The following TENT5D variants were observed in gnomAD, a reference collection of about 807,000 sequenced individuals.
The protein encoded by TENT5D is terminal nucleotidyltransferase 5D.
For missense variants in TENT5D, 191 were observed against 287.0 expected (o/e 0.67, Z 2.42); for synonymous variants, 103 against 100.6 (o/e 1.02, Z -0.15).
At chrX:80,394,038 A>G (rs1015694719) in intron 3 of TENT5D, among the ~76,000 whole-genome samples, 1 of 112,078 alleles carries the variant, frequency 8.9e-6, no homozygotes, top group African/African-American at 3.2e-5. Context: ...ACATCTCTAC[A>G]ACATATTGAT....
intron 3 of TENT5D, among the ~76,000 whole-genome samples, chrX:80,367,853 G>A (rs1019623021): frequency 1.7e-4 from 19 of 111,682 alleles, no homozygotes; most frequent in Non-Finnish European, 2.6e-4. Flanking sequence ...GAAGGGTAGT[G>A]GGAGTTGGAG....
At chrX:80,423,824 A>G (rs1196075941) in intron 1 of TENT5D, among the ~76,000 whole-genome samples, 1 of 111,555 alleles carries the variant, frequency 9.0e-6, no homozygotes, top group African/African-American at 3.3e-5. Context: ...AGACATTTCT[A>G]TGCAGAGTCT....
intron 1 of TENT5D, among the ~76,000 whole-genome samples, chrX:80,432,260 A>C (rs1420411255): frequency 8.9e-6 from 1 of 111,868 alleles, no homozygotes; most frequent in Non-Finnish European, 1.9e-5. Context: ...AGTTAGTCCA[A>C]GGGCCCCCAG....
chrX:80,363,219 A>G (rs1930444441), intron 3 of TENT5D, among the ~76,000 whole-genome samples: 2 of 111,993 alleles, frequency 1.8e-5, no homozygotes. Context: ...ATTTTAAAAT[A>G]CCATGACATT....
Position 80,399,738 on chromosome X carries a change from C to A in TENT5D, c.-141-38872C>A, listed in dbSNP as rs191676616. Among the ~76,000 whole-genome samples, 218 of 112,601 alleles carry A rather than the reference C, an allele frequency of 1.9e-3. 1 individual carries two copies. Among genetic ancestry groups the A allele is most frequent in the East Asian group, 1.1e-3 (4 of 3,577 alleles). Reference sequence around the variant, plus strand: ...CACAATAAATTGTAAGTAAGTGATTCTCTGCTTTCAGAGCACCAATAATGA... The same window carrying A: ...CACAATAAATTGTAAGTAAGTGATTATCTGCTTTCAGAGCACCAATAATGA... On this transcript the variant is annotated intron_variant, in intron 3 of 4. Transcript: ENST00000538312.
At chrX:80,442,843 G>A in exon 3 of TENT5D, 1 of 1,211,095 alleles carries the variant, frequency 8.3e-7, no homozygotes, top group African/African-American at 1.7e-5. Flanking sequence ...GGTTGTTAAA[G>A]ATGCAGTTCT....
chrX:80,358,293 A>G (rs1930330632), intron 3 of TENT5D, among the ~76,000 whole-genome samples: 1 of 111,874 alleles, frequency 8.9e-6, no homozygotes, highest in South Asian at 3.7e-4. Flanking sequence ...AGCAATGGCA[A>G]CAAAAGCCAA....
intron 3 of TENT5D, among the ~76,000 whole-genome samples, chrX:80,382,584 A>C (rs759163812): frequency 9.1e-4 from 82 of 90,268 alleles, no homozygotes; most frequent in African/African-American, 3.1e-3. Flanking sequence ...TGTCCTGAGG[A>C]GGGGTCTGCA....
At chrX:80,431,309 T>C (rs930243817) in intron 1 of TENT5D, among the ~76,000 whole-genome samples, 2 of 110,430 alleles carry the variant, frequency 1.8e-5, no homozygotes, top group Non-Finnish European at 3.8e-5. Flanking sequence ...AGAGAAAAAA[T>C]TGGGGGAACT....
chrX:80,411,986 G>A (rs1931677918), intron 3 of TENT5D, among the ~76,000 whole-genome samples: 1 of 112,189 alleles, frequency 8.9e-6, no homozygotes, highest in African/African-American at 3.2e-5. Context: ...CTTCCACACT[G>A]CCCTAACAGA....
At chrX:80,368,028 T>C (rs1930544151) in intron 3 of TENT5D, among the ~76,000 whole-genome samples, 1 of 111,869 alleles carries the variant, frequency 8.9e-6, no homozygotes, top group Admixed American at 9.5e-5. Context: ...GATAAATGTT[T>C]AAGAAGATAG....
intron 2 of TENT5D, among the ~76,000 whole-genome samples, chrX:80,341,562 A>G (rs1043526948): frequency 8.9e-6 from 1 of 111,912 alleles, no homozygotes; most frequent in Non-Finnish European, 1.9e-5. Context: ...GCAAAAGTCC[A>G]TAAAGCATAT....
At chrX:80,342,414 C>G (rs1381392770) in intron 2 of TENT5D, 1 of 112,016 alleles carries the variant, frequency 8.9e-6, no homozygotes. Flanking sequence ...ATTTCTAAGT[C>G]AGGTCCTAAA....
Position 80,442,503 on chromosome X carries a change from T to C in TENT5D, c.-18-19T>C, listed in dbSNP as rs1932303665. The C allele has an allele frequency of 9.1e-7, 1 of 1,099,529 alleles. No homozygotes were observed. The highest frequency in any genetic ancestry group is 1.2e-6 in the Non-Finnish European group (1 of 814,344). The allele number at this position is 1,099,529 out of a possible 1,213,427, so 90.6% of individuals were successfully genotyped here. A position where few individuals can be genotyped will look rare whatever the true frequency, so the allele number is the denominator to read the frequency against. ...AAGGTGCTAACATATTTCTTCCCAA[T>C]ATTTTGTTTGCTGTCTAGTGATCTA... On this transcript the variant is annotated intron_variant, in intron 2 of 2. Transcript: ENST00000308293.
At chrX:80,366,564 CAAAT>C (rs1004628861) in intron 3 of TENT5D, among the ~76,000 whole-genome samples, 9 of 111,096 alleles carry the variant, frequency 8.1e-5, no homozygotes, top group Admixed American at 1.9e-4. Context: ...AATAGCATAA[CAAAT>C]AAGCAGTTTT....
chrX:80,419,171 A>G (rs1931834508), upstream of TENT5D, among the ~76,000 whole-genome samples: 1 of 111,790 alleles, frequency 8.9e-6, no homozygotes, highest in African/African-American at 3.2e-5. Context: ...ATGTTTAAAA[A>G]TTCTACACTC....
intron 3 of TENT5D, among the ~76,000 whole-genome samples, chrX:80,382,714 C>CCA (rs1556064221): frequency 5.5e-4 from 60 of 109,817 alleles, no homozygotes; most frequent in African/African-American, 1.7e-3. Context: ...GCCCCCCCCC[C>CCA]ACTGCCAGGC....
intron 1 of TENT5D, among the ~76,000 whole-genome samples, chrX:80,426,102 A>G (rs1931983875): frequency 1.8e-5 from 2 of 111,161 alleles, no homozygotes; most frequent in Admixed American, 1.9e-4. Flanking sequence ...TGGCAATTCC[A>G]TGTATTTAAA....
chrX:80,367,082 C>A (rs1930526233), intron 3 of TENT5D, among the ~76,000 whole-genome samples: 1 of 111,348 alleles, frequency 9.0e-6, no homozygotes, highest in Non-Finnish European at 1.9e-5. Context: ...CTAGTAATTC[C>A]AGAGCCTAAA....
Sources: gnomAD v4.1 joint callset for allele counts (sites outside exome capture counted in the v4.1 genomes callset) on GRCh38, gnomAD v4.1.1 for gene constraint, MANE v1.5 for transcripts, NCBI Gene and HGNC (gene_info 2026-07-23, HGNC 2026-07-21) for gene names.